Variants in CNTN4 observed in about 807,000 individuals in gnomAD.
The protein encoded by CNTN4 is contactin-4.
In CNTN4, 77 loss-of-function variants were observed where a neutral mutation model predicts 122.5. The ratio of observed to expected loss-of-function variants is 0.63; its 90% confidence interval spans 0.52 to 0.76. CNTN4 has a LOEUF of 0.76. Among genes scored for constraint, CNTN4 ranks in the 30% least tolerant of loss-of-function variants. The pLI is 0.00. For missense variants in CNTN4, 1,256 were observed against 1,259.1 expected (o/e 1.00, Z 0.04); for synonymous variants, 512 against 447.0 (o/e 1.15, Z -1.83).
At chr3:2,489,266 G>C (rs1209967923) in intron 3 of CNTN4, among the ~76,000 whole-genome samples, 1 of 152,092 alleles carries the variant, frequency 6.6e-6, no homozygotes, top group Non-Finnish European at 1.5e-5. Context: ...ATCATGTTAT[G>C]TCTAATAGCA....
chr3:2,939,933 T>G (rs937138561), intron 13 of CNTN4, among the ~76,000 whole-genome samples: 4 of 152,178 alleles, frequency 2.6e-5, no homozygotes, highest in Admixed American at 6.5e-5. Context: ...GGCAGAATAT[T>G]TACACCATGG....
At chr3:2,553,854 A>G (rs1351147210) in intron 3 of CNTN4, among the ~76,000 whole-genome samples, 2 of 152,228 alleles carry the variant, frequency 1.3e-5, no homozygotes, top group Non-Finnish European at 2.9e-5. Flanking sequence ...CTAGCCACTT[A>G]GAAAATGATG....
At chr3:2,223,843 T>A (rs1006969052) in intron 2 of CNTN4, among the ~76,000 whole-genome samples, 1 of 152,040 alleles carries the variant, frequency 6.6e-6, no homozygotes, top group African/African-American at 2.4e-5. Context: ...TAATTACATA[T>A]GTAAGTGCAG....
At chr3:2,401,856 T>G (rs976437109) in intron 3 of CNTN4, among the ~76,000 whole-genome samples, 2 of 152,178 alleles carry the variant, frequency 1.3e-5, no homozygotes, top group South Asian at 4.1e-4. Flanking sequence ...AACCGAAAGC[T>G]CAAGAGATTT....
chr3:2,206,933 G>A (rs1221086822), intron 2 of CNTN4, among the ~76,000 whole-genome samples: 2 of 151,520 alleles, frequency 1.3e-5, no homozygotes, highest in East Asian at 1.9e-4. Flanking sequence ...AGTTGAGCAA[G>A]GCTATTAGTG....
At chr3:2,848,443 C>T (rs1386336514) in intron 7 of CNTN4, among the ~76,000 whole-genome samples, 1 of 152,056 alleles carries the variant, frequency 6.6e-6, no homozygotes, top group South Asian at 2.1e-4. Flanking sequence ...TCCAGAAGTC[C>T]CCGTGTTGGT....
chr3:2,435,109 A>C (rs2048213719), intron 3 of CNTN4, among the ~76,000 whole-genome samples: 2 of 152,302 alleles, frequency 1.3e-5, no homozygotes, highest in South Asian at 4.1e-4. Flanking sequence ...ACTAAAGTGA[A>C]TATCCTGAAT....
intron 6 of CNTN4, among the ~76,000 whole-genome samples, chr3:2,759,839 C>G (rs999039615): frequency 3.3e-5 from 5 of 152,136 alleles, no homozygotes; most frequent in Non-Finnish European, 7.3e-5. Flanking sequence ...CTCACTAGCA[C>G]TTGCTATTGT....
chr3:2,820,398 C>G (rs752599498), intron 7 of CNTN4, among the ~76,000 whole-genome samples: 6 of 152,188 alleles, frequency 3.9e-5, no homozygotes, highest in Non-Finnish European at 8.8e-5. Flanking sequence ...AGTTTCTAGA[C>G]TTGTGGATCC....
chr3:2,133,468 G>A (rs2034544966), intron 2 of CNTN4, among the ~76,000 whole-genome samples: 2 of 152,150 alleles, frequency 1.3e-5, no homozygotes, highest in Non-Finnish European at 2.9e-5. Context: ...TAGTGATAAG[G>A]AGCAAATTGC....
chr3:2,602,100 A>T (rs888572821), intron 4 of CNTN4, among the ~76,000 whole-genome samples: 1 of 152,188 alleles, frequency 6.6e-6, no homozygotes, highest in Non-Finnish European at 1.5e-5. Context: ...TCTCAAAATA[A>T]TAAGAGCTAT....
chr3:2,381,143 C>G (rs951634977), intron 3 of CNTN4, among the ~76,000 whole-genome samples: 1 of 151,868 alleles, frequency 6.6e-6, no homozygotes, highest in African/African-American at 2.4e-5. Flanking sequence ...GTAGCTGGGA[C>G]TACAGGCGCC....
At chr3:3,041,991 C>G (rs545982091) in intron 20 of CNTN4, among the ~76,000 whole-genome samples, 2 of 152,078 alleles carry the variant, frequency 1.3e-5, no homozygotes, top group Non-Finnish European at 2.9e-5. Flanking sequence ...TTAGCCATGT[C>G]GTAAGCAATA....
chr3:2,309,152 G>A (rs146096982), intron 2 of CNTN4, among the ~76,000 whole-genome samples: 381 of 151,954 alleles, frequency 2.5e-3, no homozygotes, highest in African/African-American at 8.4e-3. Context: ...TTTTAGGTGC[G>A]TGTAAGTTTA....
chr3:2,992,075 T>C (rs951190209), intron 14 of CNTN4, among the ~76,000 whole-genome samples: 3 of 152,166 alleles, frequency 2.0e-5, no homozygotes, highest in African/African-American at 4.8e-5. Flanking sequence ...AGGCTGAAGA[T>C]AGTGTCAAAC....
chr3:2,431,070 T>C (rs1254710396), intron 3 of CNTN4, among the ~76,000 whole-genome samples: 2 of 152,216 alleles, frequency 1.3e-5, no homozygotes, highest in Non-Finnish European at 2.9e-5. Context: ...ACTCTATCAT[T>C]TAAAAACTTT....
intron 3 of CNTN4, among the ~76,000 whole-genome samples, chr3:2,491,127 G>A (rs191174227): frequency 8.4e-4 from 128 of 152,240 alleles, no homozygotes; most frequent in East Asian, 2.9e-3. Context: ...ACATTTAAAA[G>A]TGTATATTGT....
At chr3:2,680,096 G>A (rs6442747) in intron 4 of CNTN4, among the ~76,000 whole-genome samples, 29,849 of 152,066 alleles carry the variant, frequency 0.2, 3,701 homozygotes, top group African/African-American at 0.35. Flanking sequence ...GGATGGTTGG[G>A]TGAAAGTGAA....
At chr3:2,658,995 C>T (rs1203798977) in intron 4 of CNTN4, among the ~76,000 whole-genome samples, 2 of 147,520 alleles carry the variant, frequency 1.4e-5, no homozygotes, top group Non-Finnish European at 2.9e-5. Flanking sequence ...CACACACACA[C>T]ACACACACAC....
Sources: allele counts gnomAD v4.1 joint callset (sites outside exome capture counted in the v4.1 genomes callset), GRCh38; gene constraint gnomAD v4.1.1; transcripts MANE v1.5; gene names NCBI Gene and HGNC (gene_info 2026-07-23, HGNC 2026-07-21).